The following ZC3H4 variants were observed in gnomAD, a reference collection of about 807,000 sequenced individuals.
ZC3H4 encodes zinc finger CCCH-type containing 4, also known as zinc finger CCCH domain-containing protein 4.
ZC3H4 carries 13 observed loss-of-function variants against 108.3 expected under a neutral mutation model. The observed-to-expected ratio is 0.12, with a 90% CI of 0.08 to 0.19. The LOEUF is 0.19. ZC3H4 is among the 10% of genes least tolerant of loss of function. ZC3H4 has a pLI of 1.00. For missense variants in ZC3H4, 1,734 were observed against 1,838.8 expected, an observed-to-expected ratio of 0.94 and a Z score of 1.04; for synonymous variants, 917 against 749.6, an observed-to-expected ratio of 1.22 and a Z score of -3.65.
intron 2 of ZC3H4, among the ~76,000 whole-genome samples, chr19:47,097,656 G>A (rs1171219060): frequency 3.3e-5 from 5 of 152,212 alleles, no homozygotes; most frequent in African/African-American, 9.6e-5. Context: ...AGGTTTCAGC[G>A]ATGCCACTTA....
intron 13 of ZC3H4, among the ~76,000 whole-genome samples, chr19:47,070,618 GTCTT>G (rs891867690): frequency 7.9e-5 from 12 of 152,052 alleles, no homozygotes; most frequent in Non-Finnish European, 1.0e-4. Context: ...TGTTTTTCTC[GTCTT>G]TCTTTCTAAA....
intron 2 of ZC3H4, among the ~76,000 whole-genome samples, chr19:47,111,678 G>T (rs2058040786): frequency 6.6e-6 from 1 of 152,026 alleles, no homozygotes; most frequent in African/African-American, 2.4e-5. Flanking sequence ...CAAAAGGGCT[G>T]GAGATGCATC....
chr19:47,071,687 T>A (rs2057327909), intron 13 of ZC3H4, 91 bp downstream of exon 13: 4 of 1,382,716 alleles, frequency 2.9e-6, no homozygotes, highest in Non-Finnish European at 3.9e-6. Context: ...CAAAGAGACT[T>A]GGACGAAGGA....
chr19:47,098,999 G>T (rs1268385425), intron 2 of ZC3H4, among the ~76,000 whole-genome samples: 2 of 152,124 alleles, frequency 1.3e-5, no homozygotes, highest in African/African-American at 2.4e-5. Flanking sequence ...TATCTCAAGG[G>T]CTGTGAAGGT....
chr19:47,101,705 T>C (rs2057906137), intron 2 of ZC3H4, among the ~76,000 whole-genome samples: 1 of 151,900 alleles, frequency 6.6e-6, no homozygotes, highest in South Asian at 2.1e-4. Context: ...ACCCCATCTC[T>C]ACTAAAAATA....
Position 47,090,264 on chromosome 19 carries a change from G to A in ZC3H4, c.493-75C>T, listed in dbSNP as rs1194627454. 15 of 1,538,000 alleles carry A rather than the reference G, an allele frequency of 9.8e-6. No individual in the cohort carries two copies. The African/African-American group carries it at 1.9e-4, about 20-fold the overall frequency. ...GGTGCAGACTACCAAGATACCCAGG[G>A]TTCCCTAAACGAACATGTCTGTCTG... On this transcript the variant is annotated intron_variant, in intron 4 of 14. Coordinates refer to ENST00000253048, the MANE Select transcript of ZC3H4 (RefSeq NM_015168.2).
chr19:47,085,659 T>TA (rs1382579384), intron 6 of ZC3H4, among the ~76,000 whole-genome samples: 1 of 152,110 alleles, frequency 6.6e-6, no homozygotes, highest in Non-Finnish European at 1.5e-5. Context: ...TGTGGGGCTC[T>TA]AAAAGGGAGT....
chr19:47,094,366 G>A (rs748198912), intron 3 of ZC3H4, 23 bp downstream of exon 3: 18 of 1,612,902 alleles, frequency 1.1e-5, no homozygotes, highest in South Asian at 1.1e-5. Context: ...GGCAGTGGCA[G>A]TCCCAGGGGA....
At position 47,067,259 on chromosome 19, in the gene ZC3H4, T is replaced by G; in HGVS notation, c.3009A>C (p.Gln1003His). The G allele has an allele frequency of 6.3e-7, 1 of 1,594,822 alleles. No individual in the cohort carries two copies. Among genetic ancestry groups the G allele is most frequent in the Non-Finnish European group, 8.5e-7 (1 of 1,170,494 alleles). ...DAVPPVPAAL[Q>H]SMPTLDPRLH... Reference sequence around the variant, plus strand: ...GCCGGGGGTCCAGGGTGGGCATGGATTGCAGGGCCGCGGGCACGGGGGGCA... The same window carrying G: ...GCCGGGGGTCCAGGGTGGGCATGGAGTGCAGGGCCGCGGGCACGGGGGGCA... The change falls in exon 15 of 15, where the codon CAA (glutamine) becomes CAC (histidine). Residue 1003 changes from glutamine to histidine, a missense_variant. Coordinates refer to ENST00000253048, the MANE Select transcript of ZC3H4 (RefSeq NM_015168.2). This position sits in a 1 kb window ranked among gnomAD's most constrained non-coding sequence, Gnocchi z 6.4.
chr19:47,069,540 C>G (rs1194134916), intron 13 of ZC3H4, among the ~76,000 whole-genome samples, 197 bp from the exon 14 acceptor site: 1 of 152,186 alleles, frequency 6.6e-6, no homozygotes, highest in Non-Finnish European at 1.5e-5. Context: ...ATGAGGTTCA[C>G]AGAGAGGGTT....
intron 2 of ZC3H4, among the ~76,000 whole-genome samples, chr19:47,107,807 T>C (rs1297054808): frequency 6.6e-6 from 1 of 152,184 alleles, no homozygotes; most frequent in African/African-American, 2.4e-5. Flanking sequence ...CGCACCTCAT[T>C]ACATCACCAG....
rs750810709 is a variant in ZC3H4 at position 47,093,980 on chromosome 19, G to T, written c.482C>A (p.Pro161Gln). 1.1e-5 allele frequency: 17 copies of T among 1,613,108 alleles called. No individual in the cohort carries two copies. The highest frequency in any genetic ancestry group is 1.6e-4 in the Middle Eastern group (1 of 6,082). The change falls in exon 4 of 15, where the codon CCA becomes CAA. Residue 161 changes from proline (P) to glutamine (Q), a missense_variant. This residue lies in a region of ZC3H4 where 403 missense variants were observed against 457.0 expected (regional missense o/e 0.88). Coordinates refer to ENST00000253048, the MANE Select transcript of ZC3H4 (RefSeq NM_015168.2). ...GHRKYREYSP[P>Q]YAPSHQQYPP... ...ATGCCAGTCACTCACCGGCGCATAT[G>T]GGGGGCTGTACTCTCTGTACTTGCG...
chr19:47,085,558 G>A (rs1600056562), intron 6 of ZC3H4, 144 bp from the exon 7 acceptor site: 3 of 708,486 alleles, frequency 4.2e-6, no homozygotes, highest in Non-Finnish European at 4.5e-6. Flanking sequence ...CCTGACGACA[G>A]GTGGTCCCAA....
chr19:47,072,822 C>G lies in ZC3H4; in HGVS notation c.1441-109G>C. 1 of 1,310,816 alleles carries G rather than the reference C, an allele frequency of 7.6e-7. No homozygotes were observed. The highest frequency in any genetic ancestry group is 1.4e-5 in the South Asian group (1 of 71,850). The allele number at this position is 1,310,816 out of a possible 1,614,324, so 81.2% of individuals were successfully genotyped here. ...GAGGAAAAGTCCATAATACAAGGAC[C>G]TTGAGATCTAAAGGCATAAAGACCA... On this transcript the variant is annotated intron_variant, in intron 11 of 14. Transcript: ENST00000253048. The surrounding 1 kb of genome is among the most constrained non-coding windows in gnomAD (Gnocchi z 5.6).
chr19:47,086,647 C>G (rs922400514), intron 5 of ZC3H4, 109 bp from the exon 6 acceptor site: 1 of 1,424,738 alleles, frequency 7.0e-7, no homozygotes, highest in African/African-American at 1.4e-5. Context: ...CTGCCTCCTC[C>G]TCCTTCTCCT....
chr19:47,090,262 G>T, intron 4 of ZC3H4, 73 bp from the exon 5 acceptor site: 1 of 1,546,194 alleles, frequency 6.5e-7, no homozygotes. Context: ...AAGATACCCA[G>T]GGTTCCCTAA....
intron 2 of ZC3H4, among the ~76,000 whole-genome samples, chr19:47,107,091 T>C (rs907698018): frequency 2.6e-5 from 4 of 152,160 alleles, no homozygotes; most frequent in Admixed American, 6.5e-5. Flanking sequence ...CATTTGAGCA[T>C]CCATAAAAAG....
At chr19:47,070,141 G>C (rs186653001) in intron 13 of ZC3H4, among the ~76,000 whole-genome samples, 3 of 152,180 alleles carry the variant, frequency 2.0e-5, no homozygotes, top group East Asian at 1.9e-4. Context: ...CGGAGGGGGG[G>C]GCGTCTGGAG....
chr19:47,094,363 G>A (rs775457401), intron 3 of ZC3H4, 26 bp downstream of exon 3: 1 of 1,611,522 alleles, frequency 6.2e-7, no homozygotes, highest in Non-Finnish European at 8.5e-7. Context: ...CCAGGCAGTG[G>A]CAGTCCCAGG....
Sources: allele counts gnomAD v4.1 joint callset (sites outside exome capture counted in the v4.1 genomes callset), GRCh38; gene constraint gnomAD v4.1.1; regional missense constraint gnomAD v4.1.1; non-coding constraint Gnocchi (gnomAD v3.1); transcripts MANE v1.5; gene names NCBI Gene and HGNC (gene_info 2026-07-23, HGNC 2026-07-21).